Variants in LINGO2 observed in about 807,000 individuals in gnomAD.
LINGO2 encodes leucine rich repeat and Ig domain containing 2.
In LINGO2, 14 loss-of-function variants were observed where a neutral mutation model predicts 30.6. The observed-to-expected ratio is 0.46, with a 90% CI of 0.30 to 0.72. The LOEUF is 0.72. Among genes scored for constraint, LINGO2 ranks in the 30% least tolerant of loss-of-function variants. The pLI is 0.07. For synonymous variants in LINGO2, 317 were observed against 288.5 expected (o/e 1.10, Z -1.00); for missense variants, 729 against 751.7 (o/e 0.97, Z 0.35).
chr9:27,988,469 G>A (rs1026463269), intron 5 of LINGO2, among the ~76,000 whole-genome samples: 1 of 152,034 alleles, frequency 6.6e-6, no homozygotes, highest in African/African-American at 2.4e-5. Context: ...CCCACCAACA[G>A]TGTAAAAGTG....
chr9:28,330,344 C>A (rs963843007), intron 3 of LINGO2, among the ~76,000 whole-genome samples: 2 of 152,112 alleles, frequency 1.3e-5, no homozygotes, highest in Non-Finnish European at 2.9e-5. Flanking sequence ...AGACAAAGAG[C>A]AGTTTTAGGT....
At chr9:28,337,133 G>C (rs1039893877) in intron 3 of LINGO2, among the ~76,000 whole-genome samples, 15 of 149,902 alleles carry the variant, frequency 1.0e-4, no homozygotes, top group African/African-American at 3.4e-4. Context: ...AGAAATTCCT[G>C]AAAGCACAGT....
the LINGO2 span, among the ~76,000 whole-genome samples, chr9:28,831,614 A>G: frequency 0.029 from 4,369 of 152,242 alleles, 191 homozygotes; most frequent in African/African-American, 0.099. Context: ...AACGTGTGGG[A>G]AATAATCAAA....
At chr9:28,922,780 G>A in the LINGO2 span, among the ~76,000 whole-genome samples, 1 of 152,140 alleles carries the variant, frequency 6.6e-6, no homozygotes, top group African/African-American at 2.4e-5. Flanking sequence ...CTTATGGTAG[G>A]CTGAATAATG....
chr9:28,444,918 C>A (rs897680778), intron 2 of LINGO2, among the ~76,000 whole-genome samples: 4 of 152,166 alleles, frequency 2.6e-5, no homozygotes, highest in African/African-American at 9.7e-5. Flanking sequence ...GCCAAGTGGG[C>A]AGAACTAGCC....
the LINGO2 span, among the ~76,000 whole-genome samples, chr9:29,041,387 A>G: frequency 6.6e-6 from 1 of 152,060 alleles, no homozygotes; most frequent in Admixed American, 6.6e-5. Flanking sequence ...ATATTTTGAA[A>G]AAGAAGAATA....
chr9:29,087,124 G>A, the LINGO2 span, among the ~76,000 whole-genome samples: 1 of 152,048 alleles, frequency 6.6e-6, no homozygotes, highest in Non-Finnish European at 1.5e-5. Context: ...TGATCCACCG[G>A]CCCTGGCCTA....
At chr9:29,119,430 G>T in the LINGO2 span, among the ~76,000 whole-genome samples, 1 of 150,052 alleles carries the variant, frequency 6.7e-6, no homozygotes. Flanking sequence ...AGAAATTGCT[G>T]GAAAAAAAAG....
At chr9:28,459,973 T>C (rs558299421) in intron 2 of LINGO2, among the ~76,000 whole-genome samples, 1 of 152,272 alleles carries the variant, frequency 6.6e-6, no homozygotes, top group African/African-American at 2.4e-5. Context: ...ATATTACACA[T>C]TCATGTTTTT....
downstream of LINGO2, among the ~76,000 whole-genome samples, chr9:27,947,499 A>G (rs1218430033): frequency 6.6e-6 from 1 of 152,210 alleles, no homozygotes; most frequent in Non-Finnish European, 1.5e-5. Flanking sequence ...CTCAGTTCTT[A>G]GAAAACAAGA....
At chr9:28,313,688 T>C (rs1001797459) in intron 3 of LINGO2, among the ~76,000 whole-genome samples, 1 of 152,162 alleles carries the variant, frequency 6.6e-6, no homozygotes, top group Non-Finnish European at 1.5e-5. Context: ...AAGTTGCTTC[T>C]CGAGTTCAAG....
chr9:28,275,501 A>G (rs887970728), intron 4 of LINGO2, among the ~76,000 whole-genome samples: 16 of 152,114 alleles, frequency 1.1e-4, no homozygotes, highest in South Asian at 8.3e-4. Flanking sequence ...TCCTTTATAC[A>G]ACCTATATCC....
At chr9:28,224,353 C>A (rs7031017) in intron 4 of LINGO2, among the ~76,000 whole-genome samples, 10,276 of 152,222 alleles carry the variant, frequency 0.068, 594 homozygotes, top group African/African-American at 0.14. Flanking sequence ...CGTGAGCCAC[C>A]GCACCTGGCC....
intron 4 of LINGO2, among the ~76,000 whole-genome samples, chr9:28,025,106 C>T (rs1355403474): frequency 6.6e-6 from 1 of 152,032 alleles, no homozygotes; most frequent in Non-Finnish European, 1.5e-5. Context: ...GTGTTGATTA[C>T]CGGTATCTTG....
chr9:27,975,113 C>A (rs73439734), intron 5 of LINGO2, among the ~76,000 whole-genome samples: 8,301 of 151,976 alleles, frequency 0.055, 623 homozygotes, highest in East Asian at 0.16. Context: ...GCTTTAAGGA[C>A]TGTGTAGAAA....
chr9:28,264,364 T>G (rs1044358331), intron 4 of LINGO2, among the ~76,000 whole-genome samples: 1 of 151,958 alleles, frequency 6.6e-6, no homozygotes, highest in African/African-American at 2.4e-5. Flanking sequence ...AATACAAAGG[T>G]ATCTGTACAT....
the LINGO2 span, among the ~76,000 whole-genome samples, chr9:29,040,807 G>A: frequency 4.0e-5 from 6 of 151,868 alleles, no homozygotes; most frequent in Non-Finnish European, 4.4e-5. Flanking sequence ...TTTTCAATTA[G>A]TTTATAATAA....
the LINGO2 span, among the ~76,000 whole-genome samples, chr9:28,988,541 T>G: frequency 5.9e-5 from 9 of 152,202 alleles, no homozygotes; most frequent in African/African-American, 2.2e-4. Context: ...CAGCAATTAC[T>G]GATATGTAAG....
At chr9:29,035,215 A>T in the LINGO2 span, among the ~76,000 whole-genome samples, 1 of 152,088 alleles carries the variant, frequency 6.6e-6, no homozygotes, top group South Asian at 2.1e-4. Flanking sequence ...GCGGCCTCAT[A>T]GTCAAAACCT....
Sources: allele counts gnomAD v4.1 joint callset (sites outside exome capture counted in the v4.1 genomes callset), GRCh38; gene constraint gnomAD v4.1.1; transcripts MANE v1.5; gene names NCBI Gene and HGNC (gene_info 2026-07-23, HGNC 2026-07-21).